Variants in CSMD1 observed in about 807,000 individuals in gnomAD.
CSMD1 encodes CUB and sushi domain-containing protein 1.
Under a neutral mutation model 417.5 loss-of-function variants are expected in CSMD1, and 213 were observed. The ratio of observed to expected loss-of-function variants is 0.51; its 90% CI spans 0.46 to 0.57. The LOEUF is 0.57. CSMD1 is among the 20% of genes least tolerant of loss of function. CSMD1 has a pLI of 0.00. For synonymous variants in CSMD1, 2,862 were observed against 1,736.8 expected, an observed-to-expected ratio of 1.65 and a Z score of -16.11; for missense variants, 6,923 against 4,529.7, an observed-to-expected ratio of 1.53 and a Z score of -15.17.
intron 2 of CSMD1, among the ~76,000 whole-genome samples, chr8:4,501,928 A>AC (rs1274899277): frequency 6.6e-6 from 1 of 151,930 alleles, no homozygotes; most frequent in Non-Finnish European, 1.5e-5. Flanking sequence ...TTTGGAACAT[A>AC]CCCCCCTAGA....
chr8:3,036,863 T>C (rs1264637233), intron 50 of CSMD1, among the ~76,000 whole-genome samples: 1 of 152,158 alleles, frequency 6.6e-6, no homozygotes, highest in Non-Finnish European at 1.5e-5. Flanking sequence ...CAAGCGTTTT[T>C]GGTTACATGG....
chr8:4,297,597 G>A (rs1204703048), intron 3 of CSMD1, among the ~76,000 whole-genome samples: 1 of 152,114 alleles, frequency 6.6e-6, no homozygotes, highest in Non-Finnish European at 1.5e-5. Flanking sequence ...TAAAATTCCT[G>A]TAAGGCTAAG....
intron 69 of CSMD1, 104 bp downstream of exon 69, chr8:2,942,368 G>T: frequency 2.1e-6 from 2 of 948,220 alleles, no homozygotes; most frequent in Non-Finnish European, 3.0e-6. Flanking sequence ...ACATTGCATA[G>T]TAATATAAAA....
intron 3 of CSMD1, among the ~76,000 whole-genome samples, chr8:4,372,906 C>T (rs1194545244): frequency 2.0e-5 from 3 of 152,144 alleles, no homozygotes; most frequent in African/African-American, 7.2e-5. Flanking sequence ...AGTGTAACTC[C>T]CCATCCCTTA....
chr8:4,350,815 A>T (rs1254873211), intron 3 of CSMD1, among the ~76,000 whole-genome samples: 1 of 152,148 alleles, frequency 6.6e-6, no homozygotes, highest in Non-Finnish European at 1.5e-5. Flanking sequence ...CTTTAGCAAG[A>T]TGACTTTGCT....
chr8:2,989,903 T>C (rs879364202), intron 54 of CSMD1, among the ~76,000 whole-genome samples: 12 of 152,202 alleles, frequency 7.9e-5, no homozygotes, highest in Admixed American at 6.5e-4. Flanking sequence ...CATAGTTATC[T>C]ACTTAAAGAC....
intron 5 of CSMD1, among the ~76,000 whole-genome samples, chr8:3,805,658 T>C (rs764089062): frequency 6.6e-6 from 1 of 152,076 alleles, no homozygotes; most frequent in Non-Finnish European, 1.5e-5. Flanking sequence ...TGAAGGCAAG[T>C]TGGGTATTTG....
chr8:4,938,487 A>C (rs1807768510), intron 1 of CSMD1, among the ~76,000 whole-genome samples: 1 of 152,218 alleles, frequency 6.6e-6, no homozygotes, highest in African/African-American at 2.4e-5. Context: ...GGTTTGACAA[A>C]AAACTGATCG....
chr8:4,445,326 T>C (rs1315799339), intron 2 of CSMD1, among the ~76,000 whole-genome samples: 3 of 152,246 alleles, frequency 2.0e-5, no homozygotes, highest in South Asian at 2.1e-4. Context: ...AACCATTTTC[T>C]GTATACTTCA....
chr8:4,360,330 C>T (rs1801678710), intron 3 of CSMD1, among the ~76,000 whole-genome samples: 1 of 152,126 alleles, frequency 6.6e-6, no homozygotes, highest in African/African-American at 2.4e-5. Flanking sequence ...AGTGCAAATC[C>T]TCCTCTTATC....
At chr8:3,768,861 C>A (rs906809939) in intron 5 of CSMD1, among the ~76,000 whole-genome samples, 5 of 152,172 alleles carry the variant, frequency 3.3e-5, no homozygotes, top group Non-Finnish European at 7.3e-5. Context: ...TGCACAGGCT[C>A]TAGGAAATGT....
intron 5 of CSMD1, among the ~76,000 whole-genome samples, chr8:3,756,849 G>C (rs1440561288): frequency 1.3e-5 from 2 of 152,006 alleles, no homozygotes; most frequent in Non-Finnish European, 2.9e-5. Context: ...AGGCTGGAGT[G>C]CAGTGGTGCA....
intron 42 of CSMD1, among the ~76,000 whole-genome samples, chr8:3,118,054 T>C (rs984861128): frequency 2.0e-5 from 3 of 152,220 alleles, no homozygotes; most frequent in African/African-American, 4.8e-5. Context: ...TACAATCTGA[T>C]ATAACCACTG....
At chr8:4,880,782 T>G (rs139612593) in intron 1 of CSMD1, among the ~76,000 whole-genome samples, 13 of 152,250 alleles carry the variant, frequency 8.5e-5, no homozygotes, top group African/African-American at 3.1e-4. Context: ...CATTTCTTTG[T>G]GCATTTTCTT....
At chr8:3,681,518 C>G (rs1236339399) in intron 7 of CSMD1, among the ~76,000 whole-genome samples, 1 of 152,076 alleles carries the variant, frequency 6.6e-6, no homozygotes, top group African/African-American at 2.4e-5. Flanking sequence ...AATTACAAAC[C>G]ACTGCTCAAT....
At chr8:4,808,069 G>A (rs1384465809) in intron 1 of CSMD1, among the ~76,000 whole-genome samples, 2 of 152,084 alleles carry the variant, frequency 1.3e-5, no homozygotes, top group Non-Finnish European at 2.9e-5. Flanking sequence ...ATACTCGTGT[G>A]GGCTCAATGT....
intron 10 of CSMD1, among the ~76,000 whole-genome samples, chr8:3,560,326 G>A (rs1009006063): frequency 6.6e-6 from 1 of 152,090 alleles, no homozygotes; most frequent in Non-Finnish European, 1.5e-5. Flanking sequence ...GATACCATTA[G>A]TGAAGGTACC....
intron 5 of CSMD1, among the ~76,000 whole-genome samples, chr8:3,807,786 T>C (rs919301690): frequency 6.6e-6 from 1 of 152,166 alleles, no homozygotes; most frequent in African/African-American, 2.4e-5. Flanking sequence ...GATATCTAGA[T>C]TGTCATTCAG....
intron 1 of CSMD1, among the ~76,000 whole-genome samples, chr8:4,649,748 C>T (rs1278125542): frequency 6.6e-6 from 1 of 152,206 alleles, no homozygotes; most frequent in Non-Finnish European, 1.5e-5. Context: ...TTCTTTGTCT[C>T]TATTTGTGTA....
Sources: gnomAD v4.1 joint callset for allele counts (sites outside exome capture counted in the v4.1 genomes callset) on GRCh38, gnomAD v4.1.1 for gene constraint, MANE v1.5 for transcripts, NCBI Gene and HGNC (gene_info 2026-07-23, HGNC 2026-07-21) for gene names.